THSD7B: variants seen among roughly 807,000 people sequenced by gnomAD.
The protein encoded by THSD7B is thrombospondin type-1 domain-containing protein 7B.
In THSD7B, 138 loss-of-function variants were observed where a neutral mutation model predicts 213.6. That is an observed-to-expected ratio of 0.65 (90% confidence interval 0.56 to 0.74). The LOEUF is 0.74. Ranked by LOEUF, THSD7B falls within the 30% of genes least tolerant of loss-of-function variation. The pLI is 0.00. For synonymous variants in THSD7B, 742 were observed against 687.0 expected (o/e 1.08, Z -1.25); for missense variants, 1,931 against 1,991.5 (o/e 0.97, Z 0.58).
At chr2:137,606,852 CTG>C (rs1015624110) in intron 17 of THSD7B, among the ~76,000 whole-genome samples, 44 of 152,172 alleles carry the variant, frequency 2.9e-4, no homozygotes, top group African/African-American at 9.9e-4. Flanking sequence ...GAGAGGGAAA[CTG>C]AGATTGAGAT....
intron 2 of THSD7B, among the ~76,000 whole-genome samples, chr2:137,023,691 C>G (rs1288697748): frequency 6.6e-6 from 1 of 151,972 alleles, no homozygotes; most frequent in Non-Finnish European, 1.5e-5. Flanking sequence ...ATAAAAGGCC[C>G]GAGGACAGGA....
chr2:136,918,330 A>G (rs576474840), intron 2 of THSD7B, among the ~76,000 whole-genome samples: 1 of 148,254 alleles, frequency 6.7e-6, no homozygotes, highest in African/African-American at 2.5e-5. Context: ...GGTCTCTTTC[A>G]TTTTTATTTC....
intron 1 of THSD7B, among the ~76,000 whole-genome samples, chr2:136,781,352 C>T (rs1379848397): frequency 6.6e-6 from 1 of 150,960 alleles, no homozygotes; most frequent in Non-Finnish European, 1.5e-5. Flanking sequence ...GTAACCTCCA[C>T]CTCCTGAGCT....
intron 1 of THSD7B, among the ~76,000 whole-genome samples, chr2:136,850,676 G>C (rs977632699): frequency 2.6e-4 from 40 of 151,386 alleles, no homozygotes; most frequent in African/African-American, 9.0e-4. Context: ...TTTGTTGCTT[G>C]GCAATGAATA....
intron 12 of THSD7B, among the ~76,000 whole-genome samples, chr2:137,397,216 G>C (rs570090339): frequency 3.3e-5 from 5 of 152,044 alleles, no homozygotes; most frequent in African/African-American, 1.2e-4. Context: ...TATGATGTTA[G>C]CTGGTGATTT....
At chr2:137,362,997 C>T (rs1685305682) in intron 12 of THSD7B, among the ~76,000 whole-genome samples, 2 of 152,166 alleles carry the variant, frequency 1.3e-5, no homozygotes, top group Non-Finnish European at 2.9e-5. Flanking sequence ...TAAAGCACTC[C>T]TCAGCAAATG....
chr2:137,501,377 C>T (rs1013944037), intron 15 of THSD7B, among the ~76,000 whole-genome samples: 5 of 151,286 alleles, frequency 3.3e-5, no homozygotes, highest in East Asian at 1.9e-4. Flanking sequence ...TGAATTAATC[C>T]GTAATATTAG....
chr2:137,591,813 C>T (rs926964314), intron 17 of THSD7B, among the ~76,000 whole-genome samples: 4 of 151,764 alleles, frequency 2.6e-5, no homozygotes, highest in African/African-American at 7.2e-5. Context: ...ATATAATGTT[C>T]GGCTGATCTT....
At chr2:136,968,098 T>G (rs535145956) in intron 2 of THSD7B, among the ~76,000 whole-genome samples, 74 of 152,266 alleles carry the variant, frequency 4.9e-4, no homozygotes, top group African/African-American at 1.7e-3. Context: ...TATCATGATA[T>G]GGATGTGCAT....
intron 3 of THSD7B, among the ~76,000 whole-genome samples, chr2:137,068,886 G>A (rs999374322): frequency 5.3e-5 from 8 of 152,014 alleles, no homozygotes; most frequent in African/African-American, 1.9e-4. Flanking sequence ...GTAAACTCCT[G>A]TTTGTGACTT....
At chr2:136,957,411 T>C (rs1477883303) in intron 2 of THSD7B, among the ~76,000 whole-genome samples, 2 of 150,080 alleles carry the variant, frequency 1.3e-5, no homozygotes, top group Non-Finnish European at 3.0e-5. Flanking sequence ...TATTTTAGCC[T>C]TTTCAGTTGC....
At chr2:137,588,177 T>C (rs1374471697) in intron 17 of THSD7B, among the ~76,000 whole-genome samples, 2 of 152,138 alleles carry the variant, frequency 1.3e-5, no homozygotes, top group South Asian at 2.1e-4. Flanking sequence ...GCTAAGACCA[T>C]TGAAAAAGTG....
At chr2:136,998,296 AAAGAC>A (rs1253231251) in intron 2 of THSD7B, among the ~76,000 whole-genome samples, 11 of 151,974 alleles carry the variant, frequency 7.2e-5, no homozygotes, top group Non-Finnish European at 1.0e-4. Context: ...GAAAAAAAGA[AAAGAC>A]AAGACAAGAC....
chr2:137,155,699 A>G (rs974352601), intron 5 of THSD7B, among the ~76,000 whole-genome samples: 13 of 152,304 alleles, frequency 8.5e-5, no homozygotes, highest in Admixed American at 7.8e-4. Context: ...TGCCTCCTTG[A>G]TGGGGACCAT....
chr2:137,381,755 C>A (rs1685780744), intron 12 of THSD7B, among the ~76,000 whole-genome samples: 1 of 152,150 alleles, frequency 6.6e-6, no homozygotes, highest in Non-Finnish European at 1.5e-5. Flanking sequence ...AGACAGTTGT[C>A]TTTGGAACAC....
chr2:137,295,950 C>A (rs1184210082), intron 12 of THSD7B, among the ~76,000 whole-genome samples: 2 of 152,098 alleles, frequency 1.3e-5, no homozygotes, highest in Non-Finnish European at 2.9e-5. Context: ...CTCTTTCACT[C>A]ACAGAGGATT....
At chr2:137,014,736 C>T (rs1460787265) in intron 2 of THSD7B, among the ~76,000 whole-genome samples, 1 of 152,190 alleles carries the variant, frequency 6.6e-6, no homozygotes, top group Non-Finnish European at 1.5e-5. Flanking sequence ...CTGGGTTATT[C>T]AGATTTTCCC....
intron 21 of THSD7B, among the ~76,000 whole-genome samples, chr2:137,654,652 A>G (rs1683202180): frequency 6.6e-6 from 1 of 151,964 alleles, no homozygotes; most frequent in African/African-American, 2.4e-5. Flanking sequence ...CCACTTACTG[A>G]GTTTTTTCAC....
At chr2:136,909,026 CA>C (rs1294858739) in intron 2 of THSD7B, among the ~76,000 whole-genome samples, 1 of 151,974 alleles carries the variant, frequency 6.6e-6, no homozygotes, top group African/African-American at 2.4e-5. Context: ...ACTAAAAATA[CA>C]AAAAAGTTAG....
Sources: gnomAD v4.1 joint callset for allele counts (sites outside exome capture counted in the v4.1 genomes callset) on GRCh38, gnomAD v4.1.1 for gene constraint, MANE v1.5 for transcripts, NCBI Gene and HGNC (gene_info 2026-07-23, HGNC 2026-07-21) for gene names.